Variants in MAGI2 observed in about 807,000 individuals in gnomAD.
The protein encoded by MAGI2 is membrane-associated guanylate kinase, WW and PDZ domain-containing protein 2.
MAGI2 carries 35 observed loss-of-function variants against 133.3 expected under a neutral mutation model. The ratio of observed to expected loss-of-function variants is 0.26; its 90% confidence interval spans 0.20 to 0.35. The LOEUF is 0.35. Ranked by LOEUF, MAGI2 falls within the 10% of genes least tolerant of loss-of-function variation. The pLI is 1.00. For synonymous variants in MAGI2, 729 were observed against 710.6 expected (o/e 1.03, Z -0.41); for missense variants, 1,636 against 1,863.4 (o/e 0.88, Z 2.25).
intron 9 of MAGI2, among the ~76,000 whole-genome samples, chr7:78,261,927 C>T (rs1224311276): frequency 6.6e-6 from 1 of 152,168 alleles, no homozygotes; most frequent in Non-Finnish European, 1.5e-5. Flanking sequence ...GTGCTACTCA[C>T]CACATCAGTT....
intron 1 of MAGI2, among the ~76,000 whole-genome samples, chr7:79,247,773 A>G (rs962910083): frequency 1.3e-5 from 2 of 152,204 alleles, no homozygotes; most frequent in Non-Finnish European, 1.5e-5. Flanking sequence ...TGTTTATGCA[A>G]TATGTGTTAG....
intron 9 of MAGI2, among the ~76,000 whole-genome samples, chr7:78,329,083 A>G (rs1221776665): frequency 6.6e-6 from 1 of 152,244 alleles, no homozygotes; most frequent in Non-Finnish European, 1.5e-5. Flanking sequence ...ATTTTCCAGC[A>G]AAGTAGTAAG....
chr7:79,044,264 G>T (rs979867134), intron 1 of MAGI2, among the ~76,000 whole-genome samples: 1 of 152,128 alleles, frequency 6.6e-6, no homozygotes, highest in Non-Finnish European at 1.5e-5. Context: ...TGGGATGCAA[G>T]GTTGGTTTAA....
chr7:79,418,928 T>C (rs929425330), intron 1 of MAGI2, among the ~76,000 whole-genome samples: 2 of 143,658 alleles, frequency 1.4e-5, no homozygotes, highest in Non-Finnish European at 3.0e-5. Flanking sequence ...AGCTCATACA[T>C]TTTATTTTGT....
At chr7:78,287,850 CT>C (rs1331936336) in intron 9 of MAGI2, among the ~76,000 whole-genome samples, 1 of 152,092 alleles carries the variant, frequency 6.6e-6, no homozygotes, top group Non-Finnish European at 1.5e-5. Context: ...GATATGACTA[CT>C]CATTGACAAT....
chr7:78,191,778 G>A (rs964261072), intron 12 of MAGI2, among the ~76,000 whole-genome samples: 2 of 152,272 alleles, frequency 1.3e-5, no homozygotes, highest in Admixed American at 6.5e-5. Flanking sequence ...TCACGTGGCC[G>A]TAGTATCCTA....
At chr7:78,531,202 AATT>A (rs1284928184) in intron 3 of MAGI2, among the ~76,000 whole-genome samples, 1 of 151,040 alleles carries the variant, frequency 6.6e-6, no homozygotes, top group African/African-American at 2.5e-5. Context: ...TTATTAATGT[AATT>A]ATTAATTAAG....
chr7:78,507,933 T>A (rs368319223), intron 4 of MAGI2, among the ~76,000 whole-genome samples: 9 of 152,234 alleles, frequency 5.9e-5, no homozygotes, highest in Admixed American at 4.6e-4. Flanking sequence ...TAGATATTTA[T>A]TGTCTTACAT....
chr7:79,399,627 A>G (rs549160195), intron 1 of MAGI2, among the ~76,000 whole-genome samples: 4 of 152,282 alleles, frequency 2.6e-5, no homozygotes, highest in African/African-American at 9.6e-5. Context: ...AGGTTTTCCC[A>G]ATGTATCTTT....
intron 14 of MAGI2, among the ~76,000 whole-genome samples, chr7:78,175,865 G>T (rs2150673082): frequency 6.6e-6 from 1 of 152,292 alleles, no homozygotes; most frequent in African/African-American, 2.4e-5. Flanking sequence ...TTAAAATCCT[G>T]CTGATTAAAA....
intron 2 of MAGI2, among the ~76,000 whole-genome samples, chr7:78,872,569 G>C (rs1201514948): frequency 6.7e-6 from 1 of 149,738 alleles, no homozygotes; most frequent in Non-Finnish European, 1.5e-5. Context: ...AAATATTAGT[G>C]ATAGTCCCGT....
chr7:79,062,208 G>A (rs1006418604), intron 1 of MAGI2, among the ~76,000 whole-genome samples: 5 of 151,886 alleles, frequency 3.3e-5, no homozygotes, highest in South Asian at 2.1e-4. Flanking sequence ...CCATACCTAC[G>A]TCCATTATTG....
chr7:78,703,936 A>C (rs1025567235), intron 2 of MAGI2, among the ~76,000 whole-genome samples: 7 of 152,116 alleles, frequency 4.6e-5, no homozygotes, highest in African/African-American at 1.7e-4. Flanking sequence ...GTTAGATTAA[A>C]GGCTTAAATG....
chr7:78,192,926 C>T (rs979347966), intron 12 of MAGI2, among the ~76,000 whole-genome samples: 2 of 152,038 alleles, frequency 1.3e-5, no homozygotes, highest in African/African-American at 2.4e-5. Flanking sequence ...TGTTTGCTGT[C>T]CCTGCGGCTG....
chr7:78,858,954 G>A (rs1793905750), intron 2 of MAGI2, among the ~76,000 whole-genome samples: 1 of 152,106 alleles, frequency 6.6e-6, no homozygotes. Flanking sequence ...AGGATAGTTA[G>A]CTCTTCTTGT....
chr7:79,423,054 G>T (rs571345790), intron 1 of MAGI2, among the ~76,000 whole-genome samples: 2 of 152,122 alleles, frequency 1.3e-5, no homozygotes, highest in East Asian at 1.9e-4. Context: ...TTACATGGCT[G>T]CCCAATTAAA....
intron 9 of MAGI2, among the ~76,000 whole-genome samples, chr7:78,279,818 C>T (rs1795385274): frequency 6.6e-6 from 1 of 152,142 alleles, no homozygotes; most frequent in Non-Finnish European, 1.5e-5. Flanking sequence ...TCTTGCTTTT[C>T]TGGCTCCAAT....
chr7:78,289,811 T>C (rs1168320822), intron 9 of MAGI2, among the ~76,000 whole-genome samples: 2 of 151,938 alleles, frequency 1.3e-5, no homozygotes, highest in Non-Finnish European at 2.9e-5. Flanking sequence ...TCAACATTCT[T>C]AAAGAATTTT....
At chr7:79,060,843 G>T (rs957160808) in intron 1 of MAGI2, among the ~76,000 whole-genome samples, 36 of 152,080 alleles carry the variant, frequency 2.4e-4, no homozygotes, top group Non-Finnish European at 1.5e-5. Flanking sequence ...ATGAAATAAC[G>T]AAGTCTCTTC....
Sources: gnomAD v4.1 joint callset for allele counts (sites outside exome capture counted in the v4.1 genomes callset) on GRCh38, gnomAD v4.1.1 for gene constraint, MANE v1.5 for transcripts, NCBI Gene and HGNC (gene_info 2026-07-23, HGNC 2026-07-21) for gene names.